FOXO1: variants seen among roughly 807,000 people sequenced by gnomAD.
FOXO1 encodes the protein forkhead box O1.
A neutral mutation model predicts 44.1 loss-of-function variants in FOXO1; 6 were observed. The ratio of observed to expected loss-of-function variants is 0.14; its 90% CI spans 0.07 to 0.27. The LOEUF is 0.27. Among genes scored for constraint, FOXO1 ranks in the 10% least tolerant of loss-of-function variants. The probability of loss-of-function intolerance (pLI) is 1.00; values close to 1 mark genes in which losing one functional copy is unlikely to be tolerated. For synonymous variants in FOXO1, 380 were observed against 362.7 expected, an observed-to-expected ratio of 1.05 and a Z score of -0.54; for missense variants, 737 against 888.8, an observed-to-expected ratio of 0.83 and a Z score of 2.17.
intron 1 of FOXO1, among the ~76,000 whole-genome samples, chr13:40,564,248 C>T (rs1244762606): frequency 6.6e-6 from 1 of 150,638 alleles, no homozygotes; most frequent in African/African-American, 2.4e-5. Context: ...GAAGCGTTCA[C>T]TAACTCAGGT....
chr13:40,564,787 C>A (rs1166328699), intron 1 of FOXO1, among the ~76,000 whole-genome samples: 1 of 151,308 alleles, frequency 6.6e-6, no homozygotes, highest in African/African-American at 2.5e-5. Flanking sequence ...ACTAGAGAAA[C>A]ACAAGCCAGC....
chr13:40,611,589 T>C (rs1442086389), intron 1 of FOXO1, among the ~76,000 whole-genome samples: 1 of 152,170 alleles, frequency 6.6e-6, no homozygotes, highest in Non-Finnish European at 1.5e-5. Context: ...TGGACTTAAA[T>C]GCCCATTCCC....
intron 1 of FOXO1, among the ~76,000 whole-genome samples, chr13:40,647,877 C>T (rs1877560397): frequency 6.6e-6 from 1 of 152,160 alleles, no homozygotes; most frequent in African/African-American, 2.4e-5. Context: ...CCTGACAAAA[C>T]GCCAGCTGTA....
chr13:40,655,588 G>A (rs1198100132), intron 1 of FOXO1, among the ~76,000 whole-genome samples: 3 of 145,004 alleles, frequency 2.1e-5, no homozygotes, highest in African/African-American at 7.7e-5. Flanking sequence ...TAAATAAAAT[G>A]TCTGCTTCTA....
rs968712792 is a variant in FOXO1, at chr13:40,555,888, T to G, written c.*3161A>C. 4.6e-5 allele frequency: 7 copies of G among 152,688 alleles called. No individual in the cohort carries two copies. The highest frequency in any genetic ancestry group is 1.7e-4 in the African/African-American group (7 of 41,460). The allele number at this position is 152,688 out of a possible 1,614,324, so 9.5% of individuals were successfully genotyped here. Reference sequence around the variant, plus strand: ...CGGAACAAGAACGTGGAATCTGCACTGTTACTAAACTCGGGTAGCGAAATG... The same window carrying G: ...CGGAACAAGAACGTGGAATCTGCACGGTTACTAAACTCGGGTAGCGAAATG... On this transcript the variant is annotated 3_prime_UTR_variant, in exon 3 of 3. Coordinates refer to ENST00000379561, the MANE Select transcript of FOXO1 (RefSeq NM_002015.4).
intron 1 of FOXO1, among the ~76,000 whole-genome samples, chr13:40,662,726 T>C (rs1878077671): frequency 6.6e-6 from 1 of 152,154 alleles, no homozygotes; most frequent in African/African-American, 2.4e-5. Context: ...CAAGAAACTA[T>C]TTAATTAAAG....
chr13:40,619,414 G>A (rs1235962184), intron 1 of FOXO1: 10 of 913,508 alleles, frequency 1.1e-5, no homozygotes, highest in African/African-American at 8.2e-5. Context: ...CACAGGAAAT[G>A]CAACTCAAAG....
intron 1 of FOXO1, among the ~76,000 whole-genome samples, chr13:40,606,435 G>A (rs903496457): frequency 1.3e-5 from 2 of 151,952 alleles, no homozygotes; most frequent in African/African-American, 4.8e-5. Flanking sequence ...TCAGCCTCCT[G>A]AGTAGCTGGG....
chr13:40,602,195 CT>C (rs1232017963), intron 1 of FOXO1, among the ~76,000 whole-genome samples: 1 of 152,112 alleles, frequency 6.6e-6, no homozygotes, highest in African/African-American at 2.4e-5. Flanking sequence ...TGCTTTCCCC[CT>C]CCCTCACTTT....
chr13:40,587,266 T>TG, intron 1 of FOXO1, among the ~76,000 whole-genome samples: 1 of 89,026 alleles, frequency 1.1e-5, no homozygotes, highest in East Asian at 2.4e-4. Flanking sequence ...CAGAACAAAG[T>TG]AAAAAAAAAA....
chr13:40,558,515 C>T lies in FOXO1; in HGVS notation c.*534G>A, dbSNP rs562474119. The T allele has an allele frequency of 4.6e-6, 1 of 219,640 alleles. No homozygotes were observed. Among genetic ancestry groups the T allele is most frequent in the African/African-American group, 2.3e-5 (1 of 44,312 alleles). 13.6% of individuals were successfully genotyped at this position (219,640 alleles called of 1,614,324 possible). A position where few individuals can be genotyped will look rare whatever the true frequency, so the allele number is the denominator to read the frequency against. On this transcript the variant is annotated 3_prime_UTR_variant, in exon 3 of 3. Coordinates refer to ENST00000379561, the MANE Select transcript of FOXO1 (RefSeq NM_002015.4). ...CAACGTGAACAGGTCCAAGGCTGTT[C>T]AATGGAGATGCAGAATGGAGATTCA...
At chr13:40,651,629 T>C (rs1267583450) in intron 1 of FOXO1, among the ~76,000 whole-genome samples, 7 of 151,928 alleles carry the variant, frequency 4.6e-5, no homozygotes, top group African/African-American at 1.4e-4. Context: ...TCAGAAAGAC[T>C]TCATGTTAAT....
At chr13:40,564,680 C>T (rs1874191964) in intron 1 of FOXO1, among the ~76,000 whole-genome samples, 1 of 152,206 alleles carries the variant, frequency 6.6e-6, no homozygotes, top group South Asian at 2.1e-4. Context: ...CCCTTGAACT[C>T]TCAACAAATA....
intron 1 of FOXO1, among the ~76,000 whole-genome samples, chr13:40,563,027 GCA>G (rs1874099863): frequency 6.6e-6 from 1 of 152,344 alleles, no homozygotes; most frequent in African/African-American, 2.4e-5. Context: ...CCTGGAATGT[GCA>G]CAGTCTCCCA....
chr13:40,630,794 T>G (rs556395610), intron 1 of FOXO1, among the ~76,000 whole-genome samples: 15 of 152,338 alleles, frequency 9.8e-5, no homozygotes, highest in African/African-American at 2.9e-4. Flanking sequence ...CACCACTCTG[T>G]CATTTTTCTT....
chr13:40,641,576 T>C (rs1285401061), intron 1 of FOXO1, among the ~76,000 whole-genome samples: 2 of 152,210 alleles, frequency 1.3e-5, no homozygotes, highest in Non-Finnish European at 2.9e-5. Context: ...TTTATTTTAC[T>C]TTAGTATTTC....
chr13:40,665,593 G>A lies in FOXO1; in HGVS notation c.620C>T (p.Ala207Val). The A allele has an allele frequency of 7.0e-7, 1 of 1,429,098 alleles. No homozygotes were observed. Among genetic ancestry groups the A allele is most frequent in the Admixed American group, 2.3e-5 (1 of 42,878 alleles). 88.5% of individuals were successfully genotyped at this position (1,429,098 alleles called of 1,614,324 possible). The change falls in exon 1 of 3, where the codon GCG becomes GTG. Residue 207 changes from alanine (A) to valine (V), a missense_variant. Coordinates refer to ENST00000379561, the MANE Select transcript of FOXO1 (RefSeq NM_002015.4). ...GCCGAGTCCACTCACCTTCCAGCCC[G>A]CCGAGCTGTTGCTGTCACCCTTATC... ...FKDKGDSNSS[A>V]GWKNSIRHNL...
At chr13:40,641,754 A>G (rs1877361310) in intron 1 of FOXO1, among the ~76,000 whole-genome samples, 3 of 151,976 alleles carry the variant, frequency 2.0e-5, no homozygotes, top group Admixed American at 2.0e-4. Context: ...GGGAGGCCGA[A>G]GCAGGCAGAT....
chr13:40,585,343 G>GCACACACACACACACACA (rs1555248752), intron 1 of FOXO1, among the ~76,000 whole-genome samples: 24 of 147,128 alleles, frequency 1.6e-4, no homozygotes, highest in East Asian at 4.1e-4. Flanking sequence ...CTGCGCGCGC[G>GCACACACACACACACACA]CACACACACA....
Sources: allele counts gnomAD v4.1 joint callset (sites outside exome capture counted in the v4.1 genomes callset), GRCh38; gene constraint gnomAD v4.1.1; transcripts MANE v1.5; gene names NCBI Gene and HGNC (gene_info 2026-07-23, HGNC 2026-07-21).